Variants in DSE observed in about 807,000 individuals in gnomAD.
The protein encoded by DSE is dermatan-sulfate epimerase.
In DSE, 36 loss-of-function variants were observed where a neutral mutation model predicts 84.4. The observed-to-expected ratio is 0.43, with a 90% CI of 0.33 to 0.56. The LOEUF (loss-of-function observed/expected upper bound fraction) is 0.56, where lower values mean the gene tolerates loss of function less well. Among genes scored for constraint, DSE ranks in the 20% least tolerant of loss-of-function variants. The probability of loss-of-function intolerance (pLI) is 0.06; values close to 1 mark genes in which losing one functional copy is unlikely to be tolerated. For synonymous variants in DSE, 410 were observed against 430.1 expected, an observed-to-expected ratio of 0.95 and a Z score of 0.58; for missense variants, 862 against 1,169.6, an observed-to-expected ratio of 0.74 and a Z score of 3.84.
intron 2 of DSE, among the ~76,000 whole-genome samples, chr6:116,267,998 T>TA (rs1226297539): frequency 2.0e-5 from 3 of 152,268 alleles, no homozygotes; most frequent in Admixed American, 1.3e-4. Flanking sequence ...ATGTAAGGAT[T>TA]ACAATTTGAG....
At chr6:116,268,139 A>C (rs1772716667) in intron 2 of DSE, among the ~76,000 whole-genome samples, 1 of 152,182 alleles carries the variant, frequency 6.6e-6, no homozygotes, top group African/African-American at 2.4e-5. Flanking sequence ...AGGCTCCATT[A>C]ATGGTAAGTG....
At chr6:116,279,075 C>G (rs769988280) in intron 2 of DSE, 2 of 1,613,306 alleles carry the variant, frequency 1.2e-6, no homozygotes, top group African/African-American at 2.7e-5. Flanking sequence ...TGTGCTCCAG[C>G]TGTTGGAAGG....
chr6:116,348,406 G>A (rs576512042), intron 2 of DSE, among the ~76,000 whole-genome samples: 7 of 149,676 alleles, frequency 4.7e-5, no homozygotes, highest in African/African-American at 1.7e-4. Context: ...TAGCCTGGGC[G>A]ACAGAGTGAG....
At chr6:116,334,139 C>G (rs994833086) in intron 2 of DSE, among the ~76,000 whole-genome samples, 2 of 152,140 alleles carry the variant, frequency 1.3e-5, no homozygotes, top group African/African-American at 4.8e-5. Flanking sequence ...TTCTTGAGGA[C>G]AAGTTCTTAT....
At chr6:116,309,110 CTTA>C (rs67743730) in intron 2 of DSE, among the ~76,000 whole-genome samples, 35,805 of 151,738 alleles carry the variant, frequency 0.24, 5,393 homozygotes, top group East Asian at 0.64. Context: ...GTAAATTGAA[CTTA>C]TTATCTCATG....
At chr6:116,397,703 C>T (rs1781351916) in intron 1 of DSE, among the ~76,000 whole-genome samples, 1 of 152,198 alleles carries the variant, frequency 6.6e-6, no homozygotes, top group Non-Finnish European at 1.5e-5. Flanking sequence ...GGGTGCTAGA[C>T]ATAATACTGG....
rs1583243180 is a variant in DSE, at chr6:116,439,613, T to C, written c.*2268T>C. ...TTGAGTAAAACTAGGGAACTTTTTG[T>C]AACTTGAAAACAAAGCAATGTTAAA... On this transcript the variant is annotated 3_prime_UTR_variant, in exon 6 of 6. Transcript: ENST00000644252. The C allele has an allele frequency of 6.6e-6, 1 of 152,184 alleles. No individual in the cohort carries two copies. Among genetic ancestry groups the C allele is most frequent in the Non-Finnish European group, 1.5e-5 (1 of 68,016 alleles). 9.4% of individuals were successfully genotyped at this position (152,184 alleles called of 1,614,324 possible).
intron 1 of DSE, among the ~76,000 whole-genome samples, chr6:116,373,197 A>G (rs1779714035): frequency 6.6e-6 from 1 of 152,146 alleles, no homozygotes; most frequent in South Asian, 2.1e-4. Context: ...TACTAAAAAT[A>G]CAAAACAAAA....
At chr6:116,406,731 T>C (rs1781955206) in intron 2 of DSE, among the ~76,000 whole-genome samples, 1 of 152,176 alleles carries the variant, frequency 6.6e-6, no homozygotes, top group Non-Finnish European at 1.5e-5. Context: ...CCATGTCCAT[T>C]AAGGGAACAC....
intron 2 of DSE, among the ~76,000 whole-genome samples, chr6:116,354,899 T>C (rs1778496483): frequency 6.6e-6 from 1 of 152,178 alleles, no homozygotes; most frequent in African/African-American, 2.4e-5. Flanking sequence ...AAAGCCAATC[T>C]GTAATTGGCT....
intron 2 of DSE, among the ~76,000 whole-genome samples, chr6:116,410,651 G>A (rs1162404969): frequency 2.0e-5 from 3 of 148,000 alleles, no homozygotes; most frequent in East Asian, 2.0e-4. Context: ...GGAGAATGGC[G>A]TGAACCCAGG....
intron 1 of DSE, among the ~76,000 whole-genome samples, chr6:116,397,049 C>T (rs920687231): frequency 3.3e-5 from 5 of 152,080 alleles, no homozygotes; most frequent in Admixed American, 6.5e-5. Flanking sequence ...ACTGCATGTA[C>T]GTTGGGTGTG....
Position 116,257,576 on chromosome 6 carries a change from G to T in DSE, c.-575-870G>T, listed in dbSNP as rs148768921. Among the ~76,000 whole-genome samples the T allele has an allele frequency of 4.4e-3, 674 of 152,290 alleles. 4 individuals carry two copies. The highest frequency in any genetic ancestry group is 0.015 in the African/African-American group (634 of 41,564). ...TAACTTACTTCTCACAGTTCTGAAG[G>T]CTGGGAATTCCAAGATCAAGGCACC... On this transcript the variant is annotated intron_variant, in intron 1 of 3. Coordinates refer to the DSE transcript ENST00000430252.
rs1458675135 is a variant in DSE at position 116,401,790 on chromosome 6, A to G, written c.416+2124A>G. The stretch of plus-strand genomic sequence containing the variant: ...TGCTCCATTAAATCATATTCTCACT[A>G]TGTACCAAGAAGTACACAATGAGTA... On this transcript the variant is annotated intron_variant, in intron 2 of 5. Transcript: ENST00000644252. Among the ~76,000 whole-genome samples the G allele has an allele frequency of 4.6e-5, 7 of 152,158 alleles. No individual in the cohort carries two copies. In the East Asian group the frequency reaches 1.2e-3, roughly 25 times the overall value.
At chr6:116,394,470 G>T (rs1781115053) in intron 1 of DSE, among the ~76,000 whole-genome samples, 1 of 150,904 alleles carries the variant, frequency 6.6e-6, no homozygotes. Context: ...AGGTCTCACT[G>T]TGTCACCCAG....
At chr6:116,415,641 CT>C (rs995476194) in intron 2 of DSE, among the ~76,000 whole-genome samples, 2 of 122,990 alleles carry the variant, frequency 1.6e-5, no homozygotes, top group African/African-American at 6.1e-5. Flanking sequence ...TATTTTCTTA[CT>C]TTTTTTGCAT....
chr6:116,397,830 C>T (rs193103646), intron 1 of DSE, among the ~76,000 whole-genome samples: 116 of 152,282 alleles, frequency 7.6e-4, no homozygotes, highest in African/African-American at 2.6e-3. Flanking sequence ...AAAACCAAAA[C>T]CACTGCCATC....
chr6:116,269,303 TG>T (rs58027039), intron 2 of DSE, among the ~76,000 whole-genome samples: 1,925 of 152,350 alleles, frequency 0.013, 46 homozygotes, highest in African/African-American at 0.044. Context: ...ATGAGATATC[TG>T]TGAAGTGTTT....
chr6:116,407,365 C>G (rs1463827583), intron 2 of DSE, among the ~76,000 whole-genome samples: 1 of 152,132 alleles, frequency 6.6e-6, no homozygotes, highest in Admixed American at 6.6e-5. Flanking sequence ...CACTTTTTTA[C>G]ATGTCTTTTT....
Sources: gnomAD v4.1 joint callset for allele counts (sites outside exome capture counted in the v4.1 genomes callset) on GRCh38, gnomAD v4.1.1 for gene constraint, MANE v1.5 for transcripts, NCBI Gene and HGNC (gene_info 2026-07-23, HGNC 2026-07-21) for gene names.